The following CAPN14 variants were observed in gnomAD, a reference collection of about 807,000 sequenced individuals.
CAPN14 encodes the protein calpain-14.
In CAPN14, 94 loss-of-function variants were observed where a neutral mutation model predicts 101.3. The observed-to-expected ratio is 0.93, with a 90% CI of 0.79 to 1.10. The LOEUF is 1.10. Among genes scored for constraint, CAPN14 ranks in the 50% least tolerant of loss-of-function variants. The pLI, the probability that CAPN14 is intolerant of heterozygous loss-of-function variation, is 0.00. For missense variants in CAPN14, 837 were observed against 828.4 expected (o/e 1.01, Z -0.13); for synonymous variants, 338 against 317.9 (o/e 1.06, Z -0.67).
intron 16 of CAPN14, among the ~76,000 whole-genome samples, chr2:31,182,948 A>G (rs2148674848): frequency 6.6e-6 from 1 of 152,186 alleles, no homozygotes; most frequent in Non-Finnish European, 1.5e-5. Flanking sequence ...CTACAAGGCT[A>G]CAGTAACCAA....
rs1680976168 is a variant in CAPN14 at position 31,187,757 on chromosome 2, C to A, written c.1587+1G>T. 6.4e-7 allele frequency: 1 copy of A among 1,551,170 alleles called. No homozygotes were observed. The highest frequency in any genetic ancestry group is 2.0e-5 in the Admixed American group (1 of 50,980). ...CCCCCCACCACACCTGTTCAACTAA[C>A]CTTTTCAAAGAATTTGGTGAAGAAT... On this transcript the variant is annotated splice_donor_variant, in intron 15 of 21. Transcript: ENST00000403897. LOFTEE classifies it high-confidence loss of function.
At position 31,186,129 on chromosome 2, in the gene CAPN14, T is replaced by C. The variant is rs913053848; in HGVS notation, c.1645+299A>G. 5.3e-5 allele frequency among the ~76,000 whole-genome samples: 8 copies of C among 152,344 alleles called. No individual in the cohort carries two copies. The South Asian group carries it at 8.3e-4, about 16-fold the overall frequency. On this transcript the variant is annotated intron_variant, in intron 16 of 21. Transcript: ENST00000403897. ...GCAGTTCTTCCACATGGAATTGATA[T>C]GCCAAGAAAGAGGTACTCAGTTATT...
chr2:31,208,877 G>A (rs140991649), intron 1 of CAPN14, among the ~76,000 whole-genome samples: 1 of 152,236 alleles, frequency 6.6e-6, no homozygotes, highest in African/African-American at 2.4e-5. Context: ...TTAAGAATGT[G>A]CAGCCTAAAA....
chr2:31,216,283 C>T (rs893366633), intron 1 of CAPN14, among the ~76,000 whole-genome samples: 12 of 152,152 alleles, frequency 7.9e-5, no homozygotes, highest in Admixed American at 4.6e-4. Flanking sequence ...TATCACCAAA[C>T]CAATTATACC....
chr2:31,179,064 A>G (rs961507675), intron 17 of CAPN14, among the ~76,000 whole-genome samples: 1 of 65,492 alleles, frequency 1.5e-5, no homozygotes, highest in Non-Finnish European at 2.5e-5. Context: ...TGAGTTCTAT[A>G]TATATATATA....
chr2:31,211,497 C>T (rs573478300), intron 1 of CAPN14, among the ~76,000 whole-genome samples: 8 of 152,126 alleles, frequency 5.3e-5, no homozygotes, highest in African/African-American at 1.2e-4. Context: ...TTCTTCATAG[C>T]GACTCAGGTT....
chr2:31,193,827 T>C (rs1461203339), intron 9 of CAPN14, among the ~76,000 whole-genome samples: 3 of 152,110 alleles, frequency 2.0e-5, no homozygotes, highest in African/African-American at 7.2e-5. Flanking sequence ...GAGAGGGCGG[T>C]GGCAGGCTGT....
chr2:31,180,791 T>G, intron 17 of CAPN14, 145 bp downstream of exon 17: 1 of 661,678 alleles, frequency 1.5e-6, no homozygotes, highest in Admixed American at 2.7e-5. Context: ...CAGATGAGCA[T>G]CTGGATACAT....
chr2:31,221,799 A>C (rs1682869454), upstream of CAPN14, among the ~76,000 whole-genome samples: 1 of 152,174 alleles, frequency 6.6e-6, no homozygotes, highest in Non-Finnish European at 1.5e-5. Context: ...AAGGATACAA[A>C]AGTGAATAAG....
At chr2:31,226,258 C>G (rs765551213) in intron 2 of CAPN14, among the ~76,000 whole-genome samples, 2 of 152,190 alleles carry the variant, frequency 1.3e-5, no homozygotes, top group Non-Finnish European at 1.5e-5. Context: ...ATATCCCACG[C>G]TCATAGGTTC....
intron 3 of CAPN14, among the ~76,000 whole-genome samples, chr2:31,202,869 C>A (rs542353349): frequency 1.3e-4 from 20 of 152,304 alleles, no homozygotes; most frequent in African/African-American, 4.8e-4. Flanking sequence ...GGCATTCCCA[C>A]GCATCCCCAG....
intron 2 of CAPN14, among the ~76,000 whole-genome samples, chr2:31,203,367 A>AGAT (rs60701289): frequency 0.042 from 6,418 of 152,254 alleles, 436 homozygotes; most frequent in African/African-American, 0.14. Context: ...AACTCTGTGT[A>AGAT]GATATTGAGA....
intron 21 of CAPN14, among the ~76,000 whole-genome samples, chr2:31,175,660 T>C (rs900577439): frequency 2.6e-5 from 4 of 152,270 alleles, no homozygotes; most frequent in African/African-American, 9.6e-5. Flanking sequence ...TCCAGTAGAA[T>C]CCCACTTCAC....
At chr2:31,217,105 C>T (rs1399529548) in intron 1 of CAPN14, among the ~76,000 whole-genome samples, 1 of 152,126 alleles carries the variant, frequency 6.6e-6, no homozygotes, top group Non-Finnish European at 1.5e-5. Flanking sequence ...TGGGAAATGA[C>T]AGCACCTAGC....
chr2:31,188,903 A>C (rs1449008176), intron 13 of CAPN14, among the ~76,000 whole-genome samples: 1 of 152,160 alleles, frequency 6.6e-6, no homozygotes, highest in East Asian at 1.9e-4. Context: ...AGTTGGCTCA[A>C]ATTCTCCTCC....
In CAPN14 at chr2:31,173,610, C is replaced by T. The variant is rs964064328; in HGVS notation, c.*1071G>A. The T allele has an allele frequency of 3.3e-5, 5 of 152,134 alleles. No homozygotes were observed. The highest frequency in any genetic ancestry group is 4.8e-5 in the African/African-American group (2 of 41,428). The allele number at this position is 152,134 out of a possible 1,614,324, so 9.4% of individuals were successfully genotyped here. On this transcript the variant is annotated 3_prime_UTR_variant, in exon 22 of 22. Transcript: ENST00000403897. ...ACCCAAAAATTCAAAATCCAAAATG[C>T]CCCTATTTCCTTTGAGTTTCATGTC... is the stretch of plus-strand genomic sequence containing the variant.
chr2:31,199,422 G>A (rs1172732733), intron 7 of CAPN14, 48 bp downstream of exon 7: 6 of 1,468,012 alleles, frequency 4.1e-6, no homozygotes, highest in African/African-American at 1.4e-5. Context: ...GGTCCAGAGA[G>A]GGAAGGGCAA....
intron 2 of CAPN14, among the ~76,000 whole-genome samples, chr2:31,224,426 T>C (rs916819119): frequency 2.6e-5 from 4 of 152,134 alleles, no homozygotes; most frequent in African/African-American, 7.2e-5. Flanking sequence ...GAGATCATCA[T>C]GCCCAAGCCA....
At position 31,177,090 on chromosome 2, in the gene CAPN14, G is replaced by T. The variant is rs1301192485; in HGVS notation, c.1908C>A (p.Gly636=). ...TGACAAAGTCCATCTGGAGGCGGGGGCCGCCGTAGCGGATGAGCATCAGCT... is the reference window on the plus strand; with the variant it reads ...TGACAAAGTCCATCTGGAGGCGGGGTCCGCCGTAGCGGATGAGCATCAGCT... ...VCQLMLIRYG[G]PRLQMDFVSF... is the part of the protein sequence containing the mutation. The change falls in exon 20 of 22, where the codon GGC becomes GGA. Residue 636 remains glycine (G), a synonymous_variant. Transcript: ENST00000403897. 1.9e-6 allele frequency: 3 copies of T among 1,551,170 alleles called. No individual in the cohort carries two copies. The highest frequency in any genetic ancestry group is 2.6e-6 in the Non-Finnish European group (3 of 1,146,808).
Sources: allele counts gnomAD v4.1 joint callset (sites outside exome capture counted in the v4.1 genomes callset), GRCh38; gene constraint gnomAD v4.1.1; transcripts MANE v1.5; gene names NCBI Gene and HGNC (gene_info 2026-07-23, HGNC 2026-07-21).